The following NCKAP5 variants were observed in gnomAD, a reference collection of about 807,000 sequenced individuals.
The protein encoded by NCKAP5 is NCK associated protein 5, also known as nck-associated protein 5.
In NCKAP5, 92 loss-of-function variants were observed where a neutral mutation model predicts 167.0. That is an observed-to-expected ratio of 0.55 (90% confidence interval 0.47 to 0.66). The LOEUF (loss-of-function observed/expected upper bound fraction) is 0.66. NCKAP5 is among the 30% of genes least tolerant of loss of function. The pLI is 0.00. For missense variants in NCKAP5, 2,378 were observed against 2,315.0 expected (o/e 1.03, Z -0.56); for synonymous variants, 891 against 877.4 (o/e 1.02, Z -0.27).
In NCKAP5 at chr2:132,773,856, G is replaced by C. The variant is rs199705308; in HGVS notation, c.5088C>G (p.Asp1696Glu). 4.3e-6 allele frequency: 7 copies of C among 1,610,888 alleles called. No homozygotes were observed. The highest frequency in any genetic ancestry group is 1.7e-5 in the Admixed American group (1 of 59,462). ...EANENLQEDE[D>E]DAVADSVFQS... ...GAAATACAGAATCTGCAACTGCATC[G>C]TCTTCATCCTCTTGCAAGTTTTCAT... The change falls in exon 16 of 20, where the codon GAC (aspartate) becomes GAG (glutamate). Residue 1696 changes from aspartate to glutamate, a missense_variant. Asp to Glu is a conservative substitution (Grantham distance 45, BLOSUM62 2). Transcript: ENST00000409261.
intron 3 of NCKAP5, among the ~76,000 whole-genome samples, chr2:133,329,599 A>G (rs531023868): frequency 6.6e-6 from 1 of 152,188 alleles, no homozygotes; most frequent in Non-Finnish European, 1.5e-5. Flanking sequence ...AAATGAGCAG[A>G]CTATATAAGC....
chr2:132,778,836 T>C (rs951946549), intron 15 of NCKAP5, among the ~76,000 whole-genome samples: 4 of 152,180 alleles, frequency 2.6e-5, no homozygotes, highest in African/African-American at 9.6e-5. Flanking sequence ...GCTGATAACA[T>C]ATAATAAATG....
At chr2:133,649,285 A>C in the NCKAP5 span, among the ~76,000 whole-genome samples, 2 of 151,178 alleles carry the variant, frequency 1.3e-5, no homozygotes, top group Non-Finnish European at 3.0e-5. Flanking sequence ...CAGATGACTG[A>C]ACTGATGAAT....
chr2:133,031,835 C>A (rs993308809), intron 6 of NCKAP5, among the ~76,000 whole-genome samples: 1 of 152,156 alleles, frequency 6.6e-6, no homozygotes, highest in Non-Finnish European at 1.5e-5. Flanking sequence ...ACCTAGTTCC[C>A]AGACCACATA....
intron 2 of NCKAP5, among the ~76,000 whole-genome samples, chr2:133,546,137 G>C (rs1370581421): frequency 6.9e-6 from 1 of 145,248 alleles, no homozygotes; most frequent in Non-Finnish European, 1.5e-5. Flanking sequence ...CACAGACTCA[G>C]AACACATCTT....
chr2:132,936,710 TACAC>T (rs778221321), intron 8 of NCKAP5, among the ~76,000 whole-genome samples: 66 of 152,190 alleles, frequency 4.3e-4, no homozygotes, highest in Admixed American at 9.8e-4. Context: ...AAAAAAAAGA[TACAC>T]ACAAATGTGC....
intron 6 of NCKAP5, among the ~76,000 whole-genome samples, chr2:133,086,498 C>T (rs374985472): frequency 3.3e-5 from 5 of 151,952 alleles, no homozygotes; most frequent in East Asian, 1.9e-4. Flanking sequence ...AAAAATTAAC[C>T]GGGCATGGTG....
At chr2:133,661,067 A>G in the NCKAP5 span, among the ~76,000 whole-genome samples, 5 of 152,118 alleles carry the variant, frequency 3.3e-5, no homozygotes, top group Admixed American at 3.3e-4. Flanking sequence ...CATGACCAGC[A>G]GTGTTTACCC....
At chr2:133,105,719 G>A (rs1006038481) in intron 6 of NCKAP5, among the ~76,000 whole-genome samples, 3 of 152,190 alleles carry the variant, frequency 2.0e-5, no homozygotes, top group Non-Finnish European at 4.4e-5. Flanking sequence ...AGTGCCGAGT[G>A]GTGTTCAACA....
intron 3 of NCKAP5, among the ~76,000 whole-genome samples, chr2:133,514,540 T>C (rs576370428): frequency 7.9e-5 from 12 of 152,194 alleles, no homozygotes; most frequent in Non-Finnish European, 1.6e-4. Context: ...AATGATTTGA[T>C]TATATAAAAT....
Position 132,694,043 on chromosome 2 carries a change from T to C in NCKAP5, c.5714-20738A>G, listed in dbSNP as rs940190372. Among the ~76,000 whole-genome samples the C allele has an allele frequency of 7.9e-5, 12 of 152,076 alleles. No individual in the cohort carries two copies. In the East Asian group the frequency reaches 2.3e-3, roughly 29 times the overall value. ...TTTGGAGACATGAAATTTCCAGGAGTTGCAAAAGTGTATTTATGAGGTTTT... is the reference window on the plus strand; with the variant it reads ...TTTGGAGACATGAAATTTCCAGGAGCTGCAAAAGTGTATTTATGAGGTTTT... On this transcript the variant is annotated intron_variant, in intron 19 of 19. Transcript: ENST00000409261.
chr2:133,533,850 TTTA>T (rs1234154846), intron 2 of NCKAP5, among the ~76,000 whole-genome samples: 2 of 152,218 alleles, frequency 1.3e-5, no homozygotes, highest in African/African-American at 4.8e-5. Flanking sequence ...GACAATTTTA[TTTA>T]TTTCTTTAAT....
intron 5 of NCKAP5, among the ~76,000 whole-genome samples, chr2:133,210,747 T>C (rs2086176234): frequency 6.6e-6 from 1 of 152,136 alleles, no homozygotes; most frequent in African/African-American, 2.4e-5. Context: ...GGAGAAATAG[T>C]TACTGAGGAA....
chr2:133,491,943 C>T (rs188484062), intron 3 of NCKAP5, among the ~76,000 whole-genome samples: 11 of 152,290 alleles, frequency 7.2e-5, no homozygotes, highest in East Asian at 5.8e-4. Context: ...ATGTCCTTCA[C>T]GCATTTTTAC....
intron 16 of NCKAP5, among the ~76,000 whole-genome samples, chr2:132,755,766 G>T (rs776401677): frequency 3.3e-5 from 5 of 151,200 alleles, no homozygotes; most frequent in Non-Finnish European, 7.4e-5. Context: ...GAGGTGGAGG[G>T]TGTGCAGTGA....
At chr2:133,635,102 G>T in the NCKAP5 span, among the ~76,000 whole-genome samples, 1 of 152,044 alleles carries the variant, frequency 6.6e-6, no homozygotes, top group South Asian at 2.1e-4. Context: ...TCGAAATCCT[G>T]ACCTCAGGTG....
intron 5 of NCKAP5, among the ~76,000 whole-genome samples, chr2:133,168,058 A>G (rs1038815403): frequency 1.2e-4 from 19 of 152,080 alleles, no homozygotes; most frequent in Admixed American, 6.6e-5. Flanking sequence ...AATCCTTACA[A>G]TGGCCCTAGA....
At chr2:132,895,646 T>C (rs751136972) in intron 8 of NCKAP5, among the ~76,000 whole-genome samples, 113 of 152,074 alleles carry the variant, frequency 7.4e-4, no homozygotes, top group Admixed American at 1.2e-3. Flanking sequence ...ATGATTACTA[T>C]GTGCTACACT....
chr2:133,555,650 A>G (rs1687690369), intron 2 of NCKAP5, among the ~76,000 whole-genome samples: 1 of 152,228 alleles, frequency 6.6e-6, no homozygotes, highest in African/African-American at 2.4e-5. Flanking sequence ...AAATTAAAAT[A>G]CCACACTTCC....
Sources: gnomAD v4.1 joint callset for allele counts (sites outside exome capture counted in the v4.1 genomes callset) on GRCh38, gnomAD v4.1.1 for gene constraint, MANE v1.5 for transcripts, NCBI Gene and HGNC (gene_info 2026-07-23, HGNC 2026-07-21) for gene names.